The following ADAM18 variants were observed in gnomAD, a reference collection of about 807,000 sequenced individuals.
ADAM18 encodes disintegrin and metalloproteinase domain-containing protein 18.
In ADAM18, 117 loss-of-function variants were observed where a neutral mutation model predicts 94.4. The observed-to-expected ratio is 1.24, with a 90% CI of 1.07 to 1.45. ADAM18 has a LOEUF of 1.45. Among genes scored for constraint, ADAM18 ranks in the 40% most tolerant of loss-of-function variants. ADAM18 has a pLI of 0.00. For missense variants in ADAM18, 936 were observed against 880.0 expected, an observed-to-expected ratio of 1.06 and a Z score of -0.81; for synonymous variants, 327 against 291.6, an observed-to-expected ratio of 1.12 and a Z score of -1.24.
intron 10 of ADAM18, among the ~76,000 whole-genome samples, chr8:39,643,287 G>A (rs1820284853): frequency 6.6e-6 from 1 of 152,006 alleles, no homozygotes; most frequent in Non-Finnish European, 1.5e-5. Context: ...TGCCTTGCTA[G>A]AACTTTTAAT....
At chr8:39,637,770 T>C in intron 9 of ADAM18, 67 bp downstream of exon 9, 1 of 1,387,080 alleles carries the variant, frequency 7.2e-7, no homozygotes, top group Non-Finnish European at 9.5e-7. Context: ...ATTTAGTGAA[T>C]TTATTGCGTT....
intron 2 of ADAM18, among the ~76,000 whole-genome samples, chr8:39,603,844 T>C (rs1818981973): frequency 6.6e-6 from 1 of 152,046 alleles, no homozygotes; most frequent in Non-Finnish European, 1.5e-5. Flanking sequence ...GTCCTGGAAA[T>C]AGCTTCTCTG....
At chr8:39,694,464 T>C (rs1486270728) in intron 17 of ADAM18, among the ~76,000 whole-genome samples, 1 of 151,516 alleles carries the variant, frequency 6.6e-6, no homozygotes, top group East Asian at 1.9e-4. Flanking sequence ...TTTTTGAGTA[T>C]TTTATTTGAT....
intron 10 of ADAM18, among the ~76,000 whole-genome samples, chr8:39,641,803 A>T (rs568989985): frequency 5.9e-5 from 9 of 152,076 alleles, no homozygotes; most frequent in Non-Finnish European, 1.2e-4. Flanking sequence ...GTCTAATAGT[A>T]TTTCTGTCTT....
At chr8:39,647,015 G>T (rs1446539870) in intron 11 of ADAM18, among the ~76,000 whole-genome samples, 2 of 152,002 alleles carry the variant, frequency 1.3e-5, no homozygotes, top group Admixed American at 1.3e-4. Flanking sequence ...ACACCTGTGG[G>T]ATATCTCGTC....
At chr8:39,688,454 A>C (rs1015850049) in intron 16 of ADAM18, among the ~76,000 whole-genome samples, 1 of 152,128 alleles carries the variant, frequency 6.6e-6, no homozygotes, top group African/African-American at 2.4e-5. Flanking sequence ...CTCATTATTC[A>C]GCTCCCACTT....
intron 8 of ADAM18, 79 bp from the exon 9 acceptor site, chr8:39,637,458 C>A (rs2129579288): frequency 1.4e-6 from 2 of 1,410,860 alleles, no homozygotes. Flanking sequence ...AATACTGGAA[C>A]ATGTTGTTTA....
intron 16 of ADAM18, among the ~76,000 whole-genome samples, chr8:39,681,492 C>T (rs1293679593): frequency 6.6e-6 from 1 of 152,144 alleles, no homozygotes; most frequent in Non-Finnish European, 1.5e-5. Flanking sequence ...ATAATAAATA[C>T]GTGTTGTTTA....
In ADAM18 at chr8:39,690,277, C is replaced by A. The variant is rs538552997; in HGVS notation, c.1822-2323C>A. Among the ~76,000 whole-genome samples the A allele has an allele frequency of 1.0e-3, 155 of 152,032 alleles. 2 individuals are homozygous for A. The highest frequency in any genetic ancestry group is 3.5e-3 in the African/African-American group (145 of 41,452). On this transcript the variant is annotated intron_variant, in intron 16 of 19. Transcript: ENST00000265707. ...GGCAGAGGCACTCCAGCATGTGGCA[C>A]CATGGGCAGGGGTGCTTAGGAGGGG...
intron 6 of ADAM18, among the ~76,000 whole-genome samples, chr8:39,615,965 A>C (rs1819427009): frequency 6.6e-6 from 1 of 152,202 alleles, no homozygotes. Context: ...CACATTAGCC[A>C]CAAAAAAAAT....
At chr8:39,696,605 CA>C (rs1365517181) in intron 17 of ADAM18, among the ~76,000 whole-genome samples, 1 of 151,412 alleles carries the variant, frequency 6.6e-6, no homozygotes, top group Non-Finnish European at 1.5e-5. Flanking sequence ...ACACTTTTCC[CA>C]GCATTTGTTG....
intron 7 of ADAM18, among the ~76,000 whole-genome samples, chr8:39,630,333 ATAAT>A (rs1393015541): frequency 2.0e-5 from 3 of 151,424 alleles, no homozygotes; most frequent in Non-Finnish European, 4.4e-5. Flanking sequence ...ATGCAACCAA[ATAAT>A]TATGAGGCAC....
intron 18 of ADAM18, 38 bp downstream of exon 18, chr8:39,706,942 T>C (rs1287028997): frequency 8.3e-7 from 1 of 1,200,468 alleles, no homozygotes; most frequent in Non-Finnish European, 1.2e-6. Flanking sequence ...AAATAGAAGG[T>C]TGTTTTATAT....
At chr8:39,719,630 T>C (rs901942238) in intron 18 of ADAM18, among the ~76,000 whole-genome samples, 1 of 151,146 alleles carries the variant, frequency 6.6e-6, no homozygotes, top group Non-Finnish European at 1.5e-5. Context: ...ACCAACTCTA[T>C]AAAAAAGGGG....
intron 12 of ADAM18, among the ~76,000 whole-genome samples, chr8:39,653,110 G>A (rs1367980595): frequency 6.6e-6 from 1 of 152,064 alleles, no homozygotes; most frequent in South Asian, 2.1e-4. Flanking sequence ...GGTTAATAAA[G>A]ATGGATTGTA....
At chr8:39,663,527 T>C (rs1820902858) in intron 12 of ADAM18, among the ~76,000 whole-genome samples, 1 of 136,592 alleles carries the variant, frequency 7.3e-6, no homozygotes, top group Non-Finnish European at 1.5e-5. Context: ...TGGATCTCAC[T>C]GGTTGAGGCT....
At chr8:39,654,046 C>T (rs1384153970) in intron 12 of ADAM18, among the ~76,000 whole-genome samples, 1 of 150,106 alleles carries the variant, frequency 6.7e-6, no homozygotes, top group Non-Finnish European at 1.5e-5. Context: ...TATGCTTCCA[C>T]ACATGATTGA....
At chr8:39,715,070 A>G (rs1822533438) in intron 18 of ADAM18, among the ~76,000 whole-genome samples, 1 of 152,066 alleles carries the variant, frequency 6.6e-6, no homozygotes, top group Admixed American at 6.6e-5. Context: ...TGTAGATCAA[A>G]TTCTTTGTCT....
rs751268765 is a variant in ADAM18, at chr8:39,692,675, A to G, written c.1897A>G (p.Lys633Glu). ...TAATGCCACCACAAAATGCAAAGGGAAAGGGGTAAGTCACTTTTGTATCTG... is the reference window on the plus strand; with the variant it reads ...TAATGCCACCACAAAATGCAAAGGGGAAGGGGTAAGTCACTTTTGTATCTG... ...NCNATTKCKG[K>E]GICNNFGNCQ... The change falls in exon 17 of 20, where the codon AAA (lysine) becomes GAA (glutamate). Residue 633 changes from lysine to glutamate, a missense_variant. Transcript: ENST00000265707. 1.9e-6 allele frequency: 3 copies of G among 1,598,780 alleles called. No homozygotes were observed. The highest frequency in any genetic ancestry group is 2.6e-6 in the Non-Finnish European group (3 of 1,171,118).
Sources: allele counts gnomAD v4.1 joint callset (sites outside exome capture counted in the v4.1 genomes callset), GRCh38; gene constraint gnomAD v4.1.1; transcripts MANE v1.5; gene names NCBI Gene and HGNC (gene_info 2026-07-23, HGNC 2026-07-21).